Variants in SLC24A3 observed in about 807,000 individuals in gnomAD.
The protein encoded by SLC24A3 is sodium/potassium/calcium exchanger 3.
A neutral mutation model predicts 75.8 loss-of-function variants in SLC24A3; 28 were observed. That is an observed-to-expected ratio of 0.37 (90% confidence interval 0.27 to 0.51). SLC24A3 has a LOEUF of 0.51. Among genes scored for constraint, SLC24A3 ranks in the 20% least tolerant of loss-of-function variants. The pLI is 0.94. For missense variants in SLC24A3, 663 were observed against 847.8 expected (o/e 0.78, Z 2.71); for synonymous variants, 372 against 334.1 (o/e 1.11, Z -1.24).
chr20:19,376,628 C>CTT (rs11087280), intron 2 of SLC24A3, among the ~76,000 whole-genome samples: 9 of 144,720 alleles, frequency 6.2e-5, no homozygotes, highest in South Asian at 4.4e-4. Flanking sequence ...GTCATTGCCA[C>CTT]TTTTTTTTTT....
intron 2 of SLC24A3, among the ~76,000 whole-genome samples, chr20:19,494,727 G>T (rs1988257796): frequency 6.6e-6 from 1 of 152,132 alleles, no homozygotes; most frequent in South Asian, 2.1e-4. Flanking sequence ...CCAGCTTTGG[G>T]CTGCAGTGAC....
intron 2 of SLC24A3, among the ~76,000 whole-genome samples, chr20:19,477,626 GC>G (rs1987983290): frequency 6.6e-6 from 1 of 152,080 alleles, no homozygotes; most frequent in Non-Finnish European, 1.5e-5. Context: ...AGAGTTTTTG[GC>G]TTTTGGTTCA....
intron 2 of SLC24A3, among the ~76,000 whole-genome samples, chr20:19,453,342 C>G (rs974278711): frequency 2.6e-5 from 4 of 152,162 alleles, no homozygotes; most frequent in South Asian, 2.1e-4. Context: ...GTGGCAGAGT[C>G]AGACCCTGCC....
chr20:19,298,441 C>T (rs1195824928), intron 2 of SLC24A3, among the ~76,000 whole-genome samples: 1 of 152,092 alleles, frequency 6.6e-6, no homozygotes, highest in African/African-American at 2.4e-5. Context: ...CCTTGGTGAT[C>T]ATTAATATGT....
chr20:19,652,383 CT>C (rs1239124038), intron 6 of SLC24A3, among the ~76,000 whole-genome samples: 1 of 152,170 alleles, frequency 6.6e-6, no homozygotes, highest in African/African-American at 2.4e-5. Context: ...TAAATACAAC[CT>C]TTTATGACCT....
chr20:19,317,752 G>A (rs1212290326), intron 2 of SLC24A3, among the ~76,000 whole-genome samples: 2 of 152,312 alleles, frequency 1.3e-5, no homozygotes, highest in Middle Eastern at 3.4e-3. Context: ...TTGCTTGTCT[G>A]GGTGGATAAG....
At chr20:19,246,402 A>T (rs1315347549) in intron 1 of SLC24A3, among the ~76,000 whole-genome samples, 1 of 152,178 alleles carries the variant, frequency 6.6e-6, no homozygotes, top group Non-Finnish European at 1.5e-5. Flanking sequence ...AGTAAAATAC[A>T]CAGATTCTTT....
intron 6 of SLC24A3, among the ~76,000 whole-genome samples, chr20:19,597,576 T>A (rs1002091330): frequency 4.6e-5 from 7 of 152,160 alleles, no homozygotes; most frequent in Non-Finnish European, 5.9e-5. Flanking sequence ...GTTGGGAACG[T>A]TTCAAGTCCT....
intron 2 of SLC24A3, among the ~76,000 whole-genome samples, chr20:19,374,907 G>A (rs1986055798): frequency 1.3e-5 from 2 of 152,170 alleles, no homozygotes; most frequent in Non-Finnish European, 2.9e-5. Context: ...ACCCATAGCC[G>A]ATGATGGGAG....
At chr20:19,384,854 C>T (rs1390624271) in intron 2 of SLC24A3, among the ~76,000 whole-genome samples, 6 of 152,044 alleles carry the variant, frequency 3.9e-5, no homozygotes, top group Non-Finnish European at 8.8e-5. Context: ...TTTCTTTTGT[C>T]TTTTTGTGAA....
At chr20:19,289,307 C>T (rs1983885216) in intron 2 of SLC24A3, among the ~76,000 whole-genome samples, 2 of 152,172 alleles carry the variant, frequency 1.3e-5, no homozygotes, top group South Asian at 4.1e-4. Flanking sequence ...CTTGAAACCA[C>T]GGGCCTGGAA....
At chr20:19,546,182 A>AAAAAAAAAAAAAC (rs1283634511) in intron 3 of SLC24A3, among the ~76,000 whole-genome samples, 2 of 140,228 alleles carry the variant, frequency 1.4e-5, no homozygotes, top group Non-Finnish European at 3.2e-5. Context: ...AAAAAAAAAA[A>AAAAAAAAAAAAAC]AAAAAACCAG....
At chr20:19,513,964 A>G (rs1568640323) in intron 2 of SLC24A3, among the ~76,000 whole-genome samples, 1 of 152,266 alleles carries the variant, frequency 6.6e-6, no homozygotes, top group East Asian at 1.9e-4. Context: ...TTTCAAGTAT[A>G]TAATGTAGTA....
intron 15 of SLC24A3, 132 bp downstream of exon 15, chr20:19,698,812 T>C: frequency 2.8e-6 from 2 of 709,516 alleles, no homozygotes; most frequent in Non-Finnish European, 4.8e-6. Context: ...GGAAACAAAT[T>C]CTCCTTGTCA....
At chr20:19,605,809 T>C (rs1031205096) in intron 6 of SLC24A3, among the ~76,000 whole-genome samples, 1 of 152,134 alleles carries the variant, frequency 6.6e-6, no homozygotes, top group Non-Finnish European at 1.5e-5. Flanking sequence ...GAAAAACAAA[T>C]TATACCTATC....
intron 2 of SLC24A3, among the ~76,000 whole-genome samples, chr20:19,411,221 T>C (rs1986739641): frequency 6.6e-6 from 1 of 152,176 alleles, no homozygotes; most frequent in African/African-American, 2.4e-5. Flanking sequence ...TACCCCTTCC[T>C]TAGGTGCTGA....
intron 6 of SLC24A3, among the ~76,000 whole-genome samples, chr20:19,615,269 C>T (rs192841879): frequency 7.9e-5 from 12 of 152,298 alleles, no homozygotes; most frequent in Non-Finnish European, 8.8e-5. Flanking sequence ...GAAGCAGACA[C>T]GAAGACAGAG....
chr20:19,358,221 G>C (rs183377145), intron 2 of SLC24A3, among the ~76,000 whole-genome samples: 1 of 152,316 alleles, frequency 6.6e-6, no homozygotes, highest in Admixed American at 6.5e-5. Context: ...TTGGGCTGAG[G>C]CAGGTGATAC....
intron 2 of SLC24A3, among the ~76,000 whole-genome samples, chr20:19,430,854 A>G (rs1316240704): frequency 6.6e-6 from 1 of 152,118 alleles, no homozygotes; most frequent in Non-Finnish European, 1.5e-5. Flanking sequence ...TCACCTAGGG[A>G]CACATGCACA....
Sources: gnomAD v4.1 joint callset for allele counts (sites outside exome capture counted in the v4.1 genomes callset) on GRCh38, gnomAD v4.1.1 for gene constraint, MANE v1.5 for transcripts, NCBI Gene and HGNC (gene_info 2026-07-23, HGNC 2026-07-21) for gene names.